Variants in EBF1 observed in about 807,000 individuals in gnomAD.
The protein encoded by EBF1 is transcription factor COE1.
A neutral mutation model predicts 68.4 loss-of-function variants in EBF1; 10 were observed. The observed-to-expected ratio is 0.15, with a 90% CI of 0.09 to 0.25. EBF1 has a LOEUF of 0.25. EBF1 is among the 10% of genes least tolerant of loss of function. The pLI, the probability that EBF1 is intolerant of heterozygous loss-of-function variation, is 1.00. For synonymous variants in EBF1, 298 were observed against 299.8 expected (o/e 0.99, Z 0.06); for missense variants, 509 against 794.4 (o/e 0.64, Z 4.32).
intron 6 of EBF1, among the ~76,000 whole-genome samples, chr5:158,875,551 T>C (rs1322151173): frequency 2.0e-5 from 3 of 152,258 alleles, no homozygotes; most frequent in Non-Finnish European, 4.4e-5. Flanking sequence ...GCCATAAGCC[T>C]GAGCAAACAA....
At chr5:159,064,560 G>T (rs1776428372) in intron 6 of EBF1, among the ~76,000 whole-genome samples, 1 of 152,140 alleles carries the variant, frequency 6.6e-6, no homozygotes, top group Non-Finnish European at 1.5e-5. Flanking sequence ...CCATTTAGGT[G>T]TAAGCTACTA....
At chr5:158,850,520 T>G (rs1375610716) in intron 6 of EBF1, among the ~76,000 whole-genome samples, 2 of 152,232 alleles carry the variant, frequency 1.3e-5, no homozygotes, top group Non-Finnish European at 2.9e-5. Flanking sequence ...TACTCTTTCC[T>G]GTGGGATGAG....
chr5:158,866,439 C>T (rs1010240918), intron 6 of EBF1, among the ~76,000 whole-genome samples: 3 of 152,068 alleles, frequency 2.0e-5, no homozygotes, highest in Non-Finnish European at 4.4e-5. Context: ...CAGCTCTGAT[C>T]GGGTACTGTC....
intron 15 of EBF1, among the ~76,000 whole-genome samples, chr5:158,701,127 T>C (rs1756673717): frequency 6.6e-6 from 1 of 152,176 alleles, no homozygotes; most frequent in Non-Finnish European, 1.5e-5. Flanking sequence ...CAGGCACCTT[T>C]ATTAAAGACA....
rs189977099 is a variant in EBF1, at chr5:158,752,041, G to A, written c.1037-20884C>T. On this transcript the variant is annotated intron_variant, in intron 10 of 15. Transcript: ENST00000313708. ...ATTACTATGTGCAGTACTATTTGTA[G>A]TGTTTTGTTCCCCACTCTATATTTA... 2.9e-4 allele frequency among the ~76,000 whole-genome samples: 44 copies of A among 152,052 alleles called. 2 individuals are homozygous for A. The East Asian group carries it at 2.9e-3, about 10-fold the overall frequency.
At chr5:158,918,970 A>T (rs1807809536) in intron 6 of EBF1, among the ~76,000 whole-genome samples, 1 of 152,242 alleles carries the variant, frequency 6.6e-6, no homozygotes, top group Non-Finnish European at 1.5e-5. Flanking sequence ...TAAGGCATTC[A>T]TTATCCATGA....
chr5:159,035,480 G>A (rs904269044), intron 6 of EBF1, among the ~76,000 whole-genome samples: 3 of 152,244 alleles, frequency 2.0e-5, no homozygotes, highest in African/African-American at 7.2e-5. Flanking sequence ...CAGGATTGAA[G>A]GATCTTGGAC....
intron 6 of EBF1, among the ~76,000 whole-genome samples, chr5:158,883,763 G>A (rs1304989476): frequency 6.6e-6 from 1 of 152,170 alleles, no homozygotes; most frequent in Non-Finnish European, 1.5e-5. Flanking sequence ...GCCAAAGCCT[G>A]TGTGTCTCCT....
At chr5:158,941,360 C>G (rs1813334842) in intron 6 of EBF1, 21 of 427,614 alleles carry the variant, frequency 4.9e-5, no homozygotes, top group South Asian at 3.4e-4. Flanking sequence ...GGCAAAGGAA[C>G]CAATACAATG....
intron 6 of EBF1, among the ~76,000 whole-genome samples, chr5:158,993,678 C>T (rs1038038309): frequency 2.6e-5 from 4 of 152,136 alleles, no homozygotes; most frequent in African/African-American, 9.7e-5. Flanking sequence ...CAAGGGATTG[C>T]TCCAAATGTA....
At chr5:158,835,979 T>G (rs1326453571) in intron 7 of EBF1, among the ~76,000 whole-genome samples, 2 of 152,142 alleles carry the variant, frequency 1.3e-5, no homozygotes, top group East Asian at 3.9e-4. Flanking sequence ...CACATAAAGG[T>G]AAACACATGG....
intron 7 of EBF1, among the ~76,000 whole-genome samples, chr5:158,827,147 G>C (rs1554148472): frequency 6.6e-6 from 1 of 152,174 alleles, no homozygotes; most frequent in Non-Finnish European, 1.5e-5. Flanking sequence ...TAATAGAGTA[G>C]TAGTTGTCAA....
intron 6 of EBF1, among the ~76,000 whole-genome samples, chr5:159,029,044 A>G (rs1421848800): frequency 1.3e-5 from 2 of 152,234 alleles, no homozygotes; most frequent in Non-Finnish European, 2.9e-5. Flanking sequence ...TCTTTATTCT[A>G]TAAAGCCTTA....
At position 159,057,104 on chromosome 5, in the gene EBF1, C is replaced by CTT. The variant is rs1205129627; in HGVS notation, c.554+16290_554+16291dup. ...TAATTTCTTTCTTTTCTTTTCTTTT[C>CTT]TTTTTTTTTTTTTTTTTTTTGAGAT... On this transcript the variant is annotated intron_variant, in intron 6 of 15. Coordinates refer to ENST00000313708, the MANE Select transcript of EBF1 (RefSeq NM_024007.5). Among the ~76,000 whole-genome samples the CTT allele has an allele frequency of 6.8e-4, 75 of 110,640 alleles. 1 individual carries two copies. The highest frequency in any genetic ancestry group is 1.5e-3 in the African/African-American group (45 of 30,812). The allele number at this position is 110,640 out of a possible 152,430, so 72.6% of individuals were successfully genotyped here.
intron 6 of EBF1, among the ~76,000 whole-genome samples, chr5:158,876,533 G>C (rs1797840127): frequency 6.6e-6 from 1 of 152,252 alleles, no homozygotes; most frequent in African/African-American, 2.4e-5. Flanking sequence ...AGACCTCCGA[G>C]GGCATAGAGA....
chr5:158,838,947 C>T (rs1328048194), intron 7 of EBF1, among the ~76,000 whole-genome samples: 3 of 152,122 alleles, frequency 2.0e-5, no homozygotes, highest in African/African-American at 4.8e-5. Flanking sequence ...AAAGTGTGGG[C>T]GGTGGCCTTG....
intron 10 of EBF1, 33 bp downstream of exon 10, chr5:158,777,380 A>T (rs1581790858): frequency 6.4e-7 from 1 of 1,568,688 alleles, no homozygotes; most frequent in Non-Finnish European, 8.7e-7. Flanking sequence ...AGACCACGGC[A>T]GTTCTGTGCT....
At chr5:159,064,736 T>C (rs1776460952) in intron 6 of EBF1, among the ~76,000 whole-genome samples, 3 of 152,078 alleles carry the variant, frequency 2.0e-5, no homozygotes, top group Admixed American at 6.6e-5. Flanking sequence ...ATCCCATATA[T>C]CTAACATTAG....
chr5:159,047,135 C>A (rs1772582708), intron 6 of EBF1, among the ~76,000 whole-genome samples: 1 of 152,176 alleles, frequency 6.6e-6, no homozygotes, highest in Non-Finnish European at 1.5e-5. Flanking sequence ...GGGCTTAGAG[C>A]ATCCTATGCT....
Sources: gnomAD v4.1 joint callset for allele counts (sites outside exome capture counted in the v4.1 genomes callset) on GRCh38, gnomAD v4.1.1 for gene constraint, MANE v1.5 for transcripts, NCBI Gene and HGNC (gene_info 2026-07-23, HGNC 2026-07-21) for gene names.